KIF3C: variants seen among roughly 807,000 people sequenced by gnomAD.
KIF3C encodes the protein kinesin family member 3C.
KIF3C carries 12 observed loss-of-function variants against 67.7 expected under a neutral mutation model. The ratio of observed to expected loss-of-function variants is 0.18; its 90% CI spans 0.11 to 0.29. The LOEUF is 0.29. Ranked by LOEUF, KIF3C falls within the 10% of genes least tolerant of loss-of-function variation. The probability of loss-of-function intolerance (pLI) is 1.00; values close to 1 mark genes in which losing one functional copy is unlikely to be tolerated. For missense variants in KIF3C, 789 were observed against 1,059.6 expected, an observed-to-expected ratio of 0.74 and a Z score of 3.55; for synonymous variants, 393 against 426.2, an observed-to-expected ratio of 0.92 and a Z score of 0.96.
intron 1 of KIF3C, among the ~76,000 whole-genome samples, chr2:25,971,744 G>A (rs1408805447): frequency 1.3e-5 from 2 of 151,972 alleles, no homozygotes; most frequent in Admixed American, 1.3e-4. Flanking sequence ...GTCTCGCTCT[G>A]TTGTCCAGGC....
chr2:25,980,793 G>C lies in KIF3C; in HGVS notation c.1125C>G (p.Pro375=). 6.2e-7 allele frequency: 1 copy of C among 1,614,196 alleles called. No homozygotes were observed. The highest frequency in any genetic ancestry group is 8.5e-7 in the Non-Finnish European group (1 of 1,180,034). The change falls in exon 1 of 8, where the codon CCC becomes CCG. Residue 375 remains proline, a synonymous_variant. Coordinates refer to ENST00000264712, the MANE Select transcript of KIF3C (RefSeq NM_002254.8). The surrounding 1 kb of genome is among the most constrained non-coding windows in gnomAD (Gnocchi z 7.6). ...GGAATTCCCGCAGCAGTGTGTCCTT[G>C]GGGTCCTCGTTCACCCGGGGCTTGT... The part of the protein sequence containing the change: ...IKNKPRVNED[P]KDTLLREFQE...
chr2:25,939,124 C>T (rs556494312), intron 5 of KIF3C, among the ~76,000 whole-genome samples: 1 of 152,140 alleles, frequency 6.6e-6, no homozygotes, highest in Non-Finnish European at 1.5e-5. Context: ...ACAGCCATCA[C>T]ATCTAGCTAA....
chr2:25,964,125 T>C (rs1370937210), intron 1 of KIF3C, among the ~76,000 whole-genome samples: 6 of 152,080 alleles, frequency 3.9e-5, no homozygotes, highest in Non-Finnish European at 8.8e-5. Context: ...CTGGCCAACA[T>C]GGCAAAATCT....
chr2:25,965,454 C>T (rs1199787110), intron 1 of KIF3C, among the ~76,000 whole-genome samples: 1 of 151,962 alleles, frequency 6.6e-6, no homozygotes, highest in Non-Finnish European at 1.5e-5. Flanking sequence ...CCATCTCCTC[C>T]TTTCTCTCAG....
In KIF3C at chr2:25,980,146, C is replaced by T. The variant is rs1282009742; in HGVS notation, c.1545+227G>A. On this transcript the variant is annotated intron_variant, in intron 1 of 7. Transcript: ENST00000264712. This position sits in a 1 kb window ranked among gnomAD's most constrained non-coding sequence, Gnocchi z 7.6. ...CCCCAAGCTCACTGGCTTGAGAGAC[C>T]GCCTGTCCACGTTGCTTCGTGTGTG... Among the ~76,000 whole-genome samples the T allele has an allele frequency of 6.6e-6, 1 of 152,136 alleles. No individual in the cohort carries two copies. The highest frequency in any genetic ancestry group is 2.4e-5 in the African/African-American group (1 of 41,428).
chr2:25,939,697 A>G (rs1663235298), intron 5 of KIF3C, among the ~76,000 whole-genome samples: 1 of 152,172 alleles, frequency 6.6e-6, no homozygotes, highest in Admixed American at 6.6e-5. Flanking sequence ...TACACCTGTA[A>G]GCCCAGCACT....
intron 1 of KIF3C, among the ~76,000 whole-genome samples, chr2:25,967,263 T>C (rs1015539314): frequency 1.3e-5 from 2 of 149,918 alleles, no homozygotes; most frequent in African/African-American, 4.9e-5. Context: ...GGCAGGGAGG[T>C]TGTCAGGATC....
chr2:25,930,562 A>T (rs1414532064), intron 5 of KIF3C, among the ~76,000 whole-genome samples: 2 of 151,622 alleles, frequency 1.3e-5, no homozygotes, highest in Admixed American at 6.6e-5. Flanking sequence ...TTTGAGACGA[A>T]GTTTTGCTCT....
chr2:25,961,834 C>T lies in KIF3C; in HGVS notation c.1546-5390G>A, dbSNP rs369622957. Among the ~76,000 whole-genome samples the T allele has an allele frequency of 5.3e-5, 8 of 152,114 alleles. 1 individual carries two copies. The South Asian group carries it at 1.5e-3, about 28-fold the overall frequency. Reference sequence around the variant, plus strand: ...GCGCAGTGGCTCAAGCCTGTAATCCCAGCACTTTGGGAGGCCGAGGCAGGA... The same window carrying T: ...GCGCAGTGGCTCAAGCCTGTAATCCTAGCACTTTGGGAGGCCGAGGCAGGA... On this transcript the variant is annotated intron_variant, in intron 1 of 7. Transcript: ENST00000264712.
At chr2:25,974,312 C>T (rs953786135) in intron 1 of KIF3C, among the ~76,000 whole-genome samples, 1 of 152,158 alleles carries the variant, frequency 6.6e-6, no homozygotes, top group African/African-American at 2.4e-5. Flanking sequence ...TCGTGATCCA[C>T]CCACCTCGGC....
At chr2:25,975,105 G>A (rs1664379311) in intron 1 of KIF3C, among the ~76,000 whole-genome samples, 1 of 151,008 alleles carries the variant, frequency 6.6e-6, no homozygotes, top group Non-Finnish European at 1.5e-5. Flanking sequence ...AACTCCAGCT[G>A]CCCACTGGAC....
At position 25,981,964 on chromosome 2, in the gene KIF3C, C is replaced by G; in HGVS notation, c.-47G>C. 6.8e-7 allele frequency: 1 copy of G among 1,464,200 alleles called. No individual in the cohort carries two copies. The highest frequency in any genetic ancestry group is 9.1e-7 in the Non-Finnish European group (1 of 1,099,234). The allele number at this position is 1,464,200 out of a possible 1,614,324, so 90.7% of individuals were successfully genotyped here. The stretch of plus-strand genomic sequence containing the variant: ...CCCCCGAGCCCCTCCGCAGCCTGGG[C>G]GGTCCTGCTATCCTGCTCGCTAGGT... On this transcript the variant is annotated 5_prime_UTR_variant, in exon 1 of 8. Transcript: ENST00000264712. This position sits in a 1 kb window ranked among gnomAD's most constrained non-coding sequence, Gnocchi z 8.2.
At chr2:25,954,429 A>G (rs543119241) in intron 3 of KIF3C, 44 bp from the exon 4 acceptor site, 1 of 1,467,652 alleles carries the variant, frequency 6.8e-7, no homozygotes, top group South Asian at 1.1e-5. Flanking sequence ...TGGTGTGGCA[A>G]CGAGGCCCCA....
intron 1 of KIF3C, among the ~76,000 whole-genome samples, chr2:25,964,223 G>A (rs1283804981): frequency 1.3e-5 from 2 of 152,052 alleles, no homozygotes; most frequent in Non-Finnish European, 2.9e-5. Flanking sequence ...CACAAGAATC[G>A]CCAGAGGTTA....
intron 5 of KIF3C, among the ~76,000 whole-genome samples, chr2:25,931,779 A>C (rs1256016682): frequency 6.6e-6 from 1 of 151,980 alleles, no homozygotes; most frequent in Non-Finnish European, 1.5e-5. Flanking sequence ...CTGAGATTAC[A>C]GGCAAACACC....
At position 25,928,981 on chromosome 2, in the gene KIF3C, C is replaced by G; in HGVS notation, c.2379G>C (p.Glu793Asp). 1 of 1,613,000 alleles carries G rather than the reference C, an allele frequency of 6.2e-7. No individual in the cohort carries two copies. Among genetic ancestry groups the G allele is most frequent in the Non-Finnish European group, 8.5e-7 (1 of 1,179,772 alleles). ...GGGCAGCCTGACGTGATGGTTGTCA[C>G]TCATGGTCCGCCACTGTTGCAGGGC... ...SLRPATVADH[E>D] Residue 793 changes from glutamate (E) to aspartate (D), a missense_variant, in exon 8 of 8, where the codon GAG (glutamate) becomes GAC (aspartate). By Grantham distance (45) the Glu-to-Asp change is conservative. Coordinates refer to ENST00000264712, the MANE Select transcript of KIF3C (RefSeq NM_002254.8).
Position 25,929,423 on chromosome 2 carries a change from T to A in KIF3C, c.2170A>T (p.Met724Leu). The part of the protein sequence containing the change: ...LDVSPPAVFE[M>L]EFSHDQEQDP... ...TGTTCTTGGTCGTGAGAGAATTCCA[T>A]CTCAAAGACAGCTGGAGGGGACACA... The change falls in exon 7 of 8, where the codon ATG becomes TTG. Residue 724 changes from methionine (M) to leucine (L), a missense_variant. Physicochemically the swap from Met to Leu is conservative, Grantham distance 15. Transcript: ENST00000264712. 1.2e-6 allele frequency: 2 copies of A among 1,614,038 alleles called. No homozygotes were observed. Among genetic ancestry groups the A allele is most frequent in the Admixed American group, 3.3e-5 (2 of 60,010 alleles).
In KIF3C at chr2:25,956,443, G is replaced by T; in HGVS notation, c.1547C>A (p.Ala516Asp). ...ATELLAAKYK[A>D]MESKLLIGGR... ...CCCGATGAGGAGCTTGCTCTCCATG[G>T]CCTGGGGACACAGAGGGGTTGGGAG... is the stretch of plus-strand genomic sequence containing the variant. Residue 516 changes from alanine (A) to aspartate (D), a missense_variant and splice_region_variant, in exon 2 of 8, where the codon GCC becomes GAC. By Grantham distance (126) the Ala-to-Asp change is moderately radical (BLOSUM62 -2). Coordinates refer to ENST00000264712, the MANE Select transcript of KIF3C (RefSeq NM_002254.8). 3.1e-6 allele frequency: 5 copies of T among 1,612,826 alleles called. No individual in the cohort carries two copies. Among genetic ancestry groups the T allele is most frequent in the Non-Finnish European group, 4.2e-6 (5 of 1,179,038 alleles).
At chr2:25,967,446 T>C (rs1329710372) in intron 1 of KIF3C, among the ~76,000 whole-genome samples, 3 of 152,192 alleles carry the variant, frequency 2.0e-5, no homozygotes. Flanking sequence ...TCTTCAGCCC[T>C]TTGGACTTCC....
Sources: allele counts gnomAD v4.1 joint callset (sites outside exome capture counted in the v4.1 genomes callset), GRCh38; gene constraint gnomAD v4.1.1; non-coding constraint Gnocchi (gnomAD v3.1); transcripts MANE v1.5; gene names NCBI Gene and HGNC (gene_info 2026-07-23, HGNC 2026-07-21).